Variants in ZNF599 observed in about 807,000 individuals in gnomAD.
The protein encoded by ZNF599 is zinc finger protein 599.
Under a neutral mutation model 11.7 loss-of-function variants are expected in ZNF599, and 10 were observed. The observed-to-expected ratio is 0.86, with a 90% confidence interval of 0.53 to 1.45. The LOEUF (loss-of-function observed/expected upper bound fraction) is 1.45, where lower values mean the gene tolerates loss of function less well. Ranked by LOEUF, ZNF599 falls within the 40% of genes most tolerant of loss-of-function variation. ZNF599 has a pLI of 0.00. For missense variants in ZNF599, 688 were observed against 713.6 expected (o/e 0.96, Z 0.41); for synonymous variants, 232 against 253.2 (o/e 0.92, Z 0.79).
At chr19:34,797,476 T>C in the ZNF599 span, among the ~76,000 whole-genome samples, 8 of 152,140 alleles carry the variant, frequency 5.3e-5, no homozygotes, top group South Asian at 1.7e-3. Context: ...CCAGCACCTG[T>C]TGTTTCCTGA....
chr19:34,786,373 G>T, the ZNF599 span, among the ~76,000 whole-genome samples: 1 of 152,064 alleles, frequency 6.6e-6, no homozygotes, highest in African/African-American at 2.4e-5. Flanking sequence ...TCCCACCCTA[G>T]AACACCCCGC....
chr19:34,760,574 A>T lies in ZNF599; in HGVS notation c.242-15T>A, dbSNP rs1331751040. The T allele has an allele frequency of 6.4e-7, 1 of 1,574,026 alleles. No homozygotes were observed. Among genetic ancestry groups the T allele is most frequent in the East Asian group, 2.2e-5 (1 of 44,616 alleles). Reference sequence around the variant, plus strand: ...TGCTTTTTCACCTGAAGGAAATCCAATATAAAAAAAACTGAACATTAGTGA... The same window carrying T: ...TGCTTTTTCACCTGAAGGAAATCCATTATAAAAAAAACTGAACATTAGTGA... On this transcript the variant is annotated splice_polypyrimidine_tract_variant and intron_variant, in intron 3 of 3. Coordinates refer to ENST00000329285, the MANE Select transcript of ZNF599 (RefSeq NM_001007248.3).
chr19:34,759,464 G>C lies in ZNF599; in HGVS notation c.1337C>G (p.Thr446Ser). 2 of 1,614,148 alleles carry C rather than the reference G, an allele frequency of 1.2e-6. No individual in the cohort carries two copies. The highest frequency in any genetic ancestry group is 1.7e-6 in the Non-Finnish European group (2 of 1,179,996). Reference protein sequence around the residue: ...SSLIQHMRIHTGEKPYECSEC... With the variant: ...SSLIQHMRIHSGEKPYECSEC... ...ACTGCACTCATAAGGCTTCTCACCA[G>C]TGTGAATCCTCATATGTTGAATTAA... Residue 446 changes from threonine (T) to serine (S), a missense_variant, in exon 4 of 4, where the codon ACT becomes AGT. By Grantham distance (58) the Thr-to-Ser change is moderately conservative (BLOSUM62 1). Transcript: ENST00000329285.
the ZNF599 span, among the ~76,000 whole-genome samples, chr19:34,783,826 G>A: frequency 6.6e-6 from 1 of 152,022 alleles, no homozygotes; most frequent in Admixed American, 6.6e-5. Flanking sequence ...CTTCCCACAG[G>A]GGTAGCACTC....
At chr19:34,774,483 C>T (rs2069207017), upstream of ZNF599, among the ~76,000 whole-genome samples, 1 of 152,230 alleles carries the variant, frequency 6.6e-6, no homozygotes, top group African/African-American at 2.4e-5. Flanking sequence ...TCCAAAGAGG[C>T]ATCCCCAGGA....
intron 1 of ZNF599, among the ~76,000 whole-genome samples, chr19:34,771,222 G>C (rs924724678): frequency 2.0e-5 from 3 of 152,196 alleles, no homozygotes; most frequent in African/African-American, 4.8e-5. Flanking sequence ...CTGCACTCCA[G>C]TGTGAGCAAC....
chr19:34,760,473 G>C lies in ZNF599; in HGVS notation c.328C>G (p.Gln110Glu). 1 of 1,614,128 alleles carries C rather than the reference G, an allele frequency of 6.2e-7. No individual in the cohort carries two copies. Among genetic ancestry groups the C allele is most frequent in the South Asian group, 1.1e-5 (1 of 91,076 alleles). The stretch of plus-strand genomic sequence containing the variant: ...AACCTGGAATCTCTTGAGGATCTCT[G>C]TGCCAGAAGTTCCTGGAAAGAGGAT... ...EESSFQELLA[Q>E]RSSRDSRLGQ... The change falls in exon 4 of 4, where the codon CAG becomes GAG. Residue 110 changes from glutamine to glutamate, a missense_variant. By Grantham distance (29) the Gln-to-Glu change is conservative. Coordinates refer to ENST00000329285, the MANE Select transcript of ZNF599 (RefSeq NM_001007248.3).
At chr19:34,773,678 C>G (rs1304506210), upstream of ZNF599, among the ~76,000 whole-genome samples, 1 of 150,706 alleles carries the variant, frequency 6.6e-6, no homozygotes, top group African/African-American at 2.4e-5. Context: ...GTTCTTAGTC[C>G]CCACCCACTG....
chr19:34,759,261 T>C lies in ZNF599; in HGVS notation c.1540A>G (p.Lys514Glu). The change falls in exon 4 of 4, where the codon AAG (lysine) becomes GAG (glutamate). Residue 514 changes from lysine (K) to glutamate (E), a missense_variant. By Grantham distance (56) the Lys-to-Glu change is moderately conservative. Transcript: ENST00000329285. ...AAATTTGCAGGTTGGGTAAAAGCCT[T>C]TCCACATTCTCTACAAACATAGGGC... ...EKPYVCRECGKAFTQPANFVR... is the reference protein window; with the variant it reads ...EKPYVCRECGEAFTQPANFVR... 6.2e-7 allele frequency: 1 copy of C among 1,614,226 alleles called. No individual in the cohort carries two copies. The highest frequency in any genetic ancestry group is 8.5e-7 in the Non-Finnish European group (1 of 1,180,040).
chr19:34,803,151 A>T, the ZNF599 span, among the ~76,000 whole-genome samples: 2 of 152,182 alleles, frequency 1.3e-5, no homozygotes, highest in Non-Finnish European at 2.9e-5. Flanking sequence ...CCTTCCCAGT[A>T]AGCCTTTGGG....
chr19:34,773,419 G>A (rs1419406915), upstream of ZNF599, among the ~76,000 whole-genome samples: 1 of 152,010 alleles, frequency 6.6e-6, no homozygotes, highest in Non-Finnish European at 1.5e-5. Context: ...CTTCTTAAAG[G>A]AGAGGCACAC....
In ZNF599 at chr19:34,769,458, A is replaced by T. The variant is rs2069167758; in HGVS notation, c.116T>A (p.Leu39Gln). 1 of 1,614,200 alleles carries T rather than the reference A, an allele frequency of 6.2e-7. No individual in the cohort carries two copies. The highest frequency in any genetic ancestry group is 8.5e-7 in the Non-Finnish European group (1 of 1,180,032). The change falls in exon 2 of 4, where the codon CTG (leucine) becomes CAG (glutamine). Residue 39 changes from leucine to glutamine, a missense_variant. Coordinates refer to ENST00000329285, the MANE Select transcript of ZNF599 (RefSeq NM_001007248.3). ...TGAGACCAGGAGCCTGCAGGTCTCC[A>T]GCATCACCTCCTGGTACAGGGTCCT... ...AQRTLYQEVM[L>Q]ETCRLLVSLG...
Position 34,759,547 on chromosome 19 carries a change from G to T in ZNF599, c.1254C>A (p.Thr418=), listed in dbSNP as rs547493229. Residue 418 remains threonine (T), a synonymous_variant, in exon 4 of 4, where the codon ACC becomes ACA. Transcript: ENST00000329285. ...CTTTGCACTCAAAGGGCTTCTCTCC[G>T]GTATGGGTCCTCTTATGTCGGATGA... The part of the protein sequence containing the change: ...STFIRHKRTH[T]GEKPFECKEC... The T allele has an allele frequency of 1.2e-6, 2 of 1,612,236 alleles. No homozygotes were observed. Among genetic ancestry groups the T allele is most frequent in the Non-Finnish European group, 1.7e-6 (2 of 1,179,572 alleles).
chr19:34,795,378 A>T, the ZNF599 span, among the ~76,000 whole-genome samples: 2 of 152,082 alleles, frequency 1.3e-5, no homozygotes, highest in East Asian at 3.9e-4. Flanking sequence ...AGGCTCAAGC[A>T]ACCCTCCTGC....
At chr19:34,765,827 G>C (rs2069138713) in intron 3 of ZNF599, among the ~76,000 whole-genome samples, 1 of 152,190 alleles carries the variant, frequency 6.6e-6, no homozygotes, top group Admixed American at 6.5e-5. Flanking sequence ...CAGAGCACAT[G>C]GGGGAAAACA....
chr19:34,791,676 G>C, the ZNF599 span: 1 of 152,186 alleles, frequency 6.6e-6, no homozygotes, highest in Admixed American at 6.5e-5. Context: ...AGTGTATAAG[G>C]GGGTAAGAGG....
chr19:34,799,429 A>C, the ZNF599 span, among the ~76,000 whole-genome samples: 1 of 152,152 alleles, frequency 6.6e-6, no homozygotes, highest in Non-Finnish European at 1.5e-5. Flanking sequence ...CGTTGTGTGG[A>C]TGTACAACTG....
the ZNF599 span, among the ~76,000 whole-genome samples, chr19:34,805,079 C>T: frequency 9.9e-5 from 15 of 152,178 alleles, no homozygotes; most frequent in East Asian, 7.7e-4. Flanking sequence ...ATAAATCTGC[C>T]TTTATTTACC....
At chr19:34,805,322 C>T in the ZNF599 span, among the ~76,000 whole-genome samples, 3 of 151,870 alleles carry the variant, frequency 2.0e-5, no homozygotes, top group Admixed American at 6.6e-5. Context: ...CTCAGCCTCC[C>T]GAGTAGCTGG....
Sources: allele counts gnomAD v4.1 joint callset (sites outside exome capture counted in the v4.1 genomes callset), GRCh38; gene constraint gnomAD v4.1.1; transcripts MANE v1.5; gene names NCBI Gene and HGNC (gene_info 2026-07-23, HGNC 2026-07-21).